The following PHIP variants were observed in gnomAD, a reference collection of about 807,000 sequenced individuals.
PHIP encodes PH-interacting protein.
PHIP carries 54 observed loss-of-function variants against 236.8 expected under a neutral mutation model. The observed-to-expected ratio is 0.23, with a 90% CI of 0.18 to 0.29. The LOEUF (loss-of-function observed/expected upper bound fraction) is 0.29. Among genes scored for constraint, PHIP ranks in the 10% least tolerant of loss-of-function variants. The pLI is 1.00. For missense variants in PHIP, 1,370 were observed against 2,190.8 expected, an observed-to-expected ratio of 0.63 and a Z score of 7.48; for synonymous variants, 756 against 718.9, an observed-to-expected ratio of 1.05 and a Z score of -0.83.
intron 15 of PHIP, chr6:79,004,252 T>C (rs1052790775): frequency 3.1e-5 from 8 of 260,694 alleles, no homozygotes; most frequent in Admixed American, 2.0e-4. Flanking sequence ...TTGGAAGTAG[T>C]AGCCAGAGAT....
chr6:78,951,086 T>A (rs1479355295), intron 35 of PHIP, among the ~76,000 whole-genome samples: 1 of 152,166 alleles, frequency 6.6e-6, no homozygotes, highest in Non-Finnish European at 1.5e-5. Flanking sequence ...CCCATGAGAT[T>A]TGTTTGATCC....
intron 9 of PHIP, among the ~76,000 whole-genome samples, chr6:79,024,479 T>C (rs986552426): frequency 2.0e-5 from 3 of 152,120 alleles, no homozygotes; most frequent in African/African-American, 2.4e-5. Flanking sequence ...GCAAATACAC[T>C]ATTTCCTCTC....
intron 27 of PHIP, among the ~76,000 whole-genome samples, chr6:78,968,438 TATTAGTGGG>T (rs746755093): frequency 1.3e-5 from 2 of 152,080 alleles, no homozygotes; most frequent in Non-Finnish European, 2.9e-5. Context: ...GAAAATACAG[TATTAGTGGG>T]ATGTGAAATC....
At chr6:78,975,953 G>C (rs1229817437) in intron 24 of PHIP, among the ~76,000 whole-genome samples, 1 of 151,180 alleles carries the variant, frequency 6.6e-6, no homozygotes, top group African/African-American at 2.4e-5. Flanking sequence ...TACTGCCCAA[G>C]GTAATTTACA....
chr6:78,982,819 A>T, intron 23 of PHIP, 67 bp downstream of exon 23: 1 of 893,608 alleles, frequency 1.1e-6, no homozygotes, highest in Non-Finnish European at 1.7e-6. Context: ...GATCAATTGT[A>T]CTTCAAGATG....
At chr6:79,032,566 T>C (rs1041349179) in intron 7 of PHIP, among the ~76,000 whole-genome samples, 7 of 152,100 alleles carry the variant, frequency 4.6e-5, no homozygotes, top group African/African-American at 7.2e-5. Flanking sequence ...CCTCCCCCAT[T>C]TAAGTTTAAT....
Position 79,025,991 on chromosome 6 carries a change from T to A in PHIP, c.774A>T (p.Ala258=), listed in dbSNP as rs1299604578. 7 of 1,613,900 alleles carry A rather than the reference T, an allele frequency of 4.3e-6. No individual in the cohort carries two copies. Among genetic ancestry groups the A allele is most frequent in the Non-Finnish European group, 5.9e-6 (7 of 1,179,962 alleles). ...TATGGCCCTGAAGAACAGCCAAAGG[T>A]GCACAGGTTCGAAGACACCAGACTC... The part of the protein sequence containing the change: ...MIRVWCLRTC[A]PLAVLQGHSA... The change falls in exon 8 of 40, where the codon GCA becomes GCT. Residue 258 remains alanine, a synonymous_variant. Transcript: ENST00000275034.
chr6:79,028,694 C>T (rs1771520829), intron 7 of PHIP, among the ~76,000 whole-genome samples: 1 of 152,162 alleles, frequency 6.6e-6, no homozygotes, highest in African/African-American at 2.4e-5. Context: ...TTGGTTCTCA[C>T]CTGCATTCAG....
At chr6:79,015,546 TA>T in intron 14 of PHIP, 83 bp downstream of exon 14, 2 of 1,057,814 alleles carry the variant, frequency 1.9e-6, no homozygotes. Context: ...TTAGCTAACA[TA>T]AAAGACTTTA....
At chr6:79,051,729 T>C (rs1772803678) in intron 6 of PHIP, among the ~76,000 whole-genome samples, 1 of 151,926 alleles carries the variant, frequency 6.6e-6, no homozygotes, top group Non-Finnish European at 1.5e-5. Context: ...ATAAAAAGGG[T>C]AGATATGATA....
rs939238227 is a variant in PHIP, at chr6:78,978,771, C to G, written c.2770-60G>C. Reference sequence around the variant, plus strand: ...ATCAAAAAAGCATTAATCCACAAATCTACTCTTTAAAATAACTATAAAGAT... The same window carrying G: ...ATCAAAAAAGCATTAATCCACAAATGTACTCTTTAAAATAACTATAAAGAT... On this transcript the variant is annotated intron_variant, in intron 23 of 39. Coordinates refer to ENST00000275034, the MANE Select transcript of PHIP (RefSeq NM_017934.7). 14 of 1,342,188 alleles carry G rather than the reference C, an allele frequency of 1.0e-5. No homozygotes were observed. The East Asian group carries it at 3.1e-4, about 30-fold the overall frequency. 83.1% of individuals were successfully genotyped at this position (1,342,188 alleles called of 1,614,324 possible).
At chr6:78,977,414 T>C (rs1046617887) in intron 24 of PHIP, among the ~76,000 whole-genome samples, 1 of 152,094 alleles carries the variant, frequency 6.6e-6, no homozygotes, top group Non-Finnish European at 1.5e-5. Context: ...TTGGGAGATA[T>C]ACCTAATGCT....
intron 9 of PHIP, among the ~76,000 whole-genome samples, chr6:79,019,926 T>A (rs1736584962): frequency 6.6e-6 from 1 of 152,162 alleles, no homozygotes; most frequent in South Asian, 2.1e-4. Context: ...TAACAATGTG[T>A]ATGTAATGTT....
chr6:79,033,773 T>G (rs1052594625), intron 7 of PHIP, among the ~76,000 whole-genome samples: 8 of 152,228 alleles, frequency 5.3e-5, no homozygotes, highest in Non-Finnish European at 1.2e-4. Context: ...ACTTTTGCTT[T>G]ACATTCACAA....
In PHIP at chr6:79,065,979, A is replaced by T. The variant is rs186235690; in HGVS notation, c.190-5161T>A. On this transcript the variant is annotated intron_variant, in intron 4 of 39. Transcript: ENST00000275034. ...AGTAAGAACCCCATATCTTTAATAT[A>T]AACTTAAGCTTTTAATTTAAATTAG... 2.4e-3 allele frequency among the ~76,000 whole-genome samples: 359 copies of T among 152,182 alleles called. 1 individual carries two copies. Among genetic ancestry groups the T allele is most frequent in the African/African-American group, 8.3e-3 (344 of 41,544 alleles).
intron 9 of PHIP, among the ~76,000 whole-genome samples, chr6:79,025,193 T>C (rs1771334668): frequency 6.6e-6 from 1 of 152,154 alleles, no homozygotes; most frequent in Non-Finnish European, 1.5e-5. Flanking sequence ...TTAGAAATTC[T>C]TAAGATTAAG....
chr6:78,958,578 C>A lies in PHIP; in HGVS notation c.3679G>T (p.Glu1227Ter). ...GTATTATGCTCTATATATCGAACTT[C>A]CCACATTAGGGAAGAAACCCGCCTT... is the stretch of plus-strand genomic sequence containing the variant. ...FYRRVSSLMW[E>*]VRYIEHNTRT... The change falls in exon 32 of 40, where the codon GAA (glutamate) becomes TAA (stop). Residue 1227 changes from glutamate to a stop codon, truncating the protein, a stop_gained. Coordinates refer to ENST00000275034, the MANE Select transcript of PHIP (RefSeq NM_017934.7). LOFTEE classifies it high-confidence loss of function. 6.3e-7 allele frequency: 1 copy of A among 1,577,728 alleles called. No homozygotes were observed. Among genetic ancestry groups the A allele is most frequent in the Non-Finnish European group, 8.7e-7 (1 of 1,150,764 alleles).
chr6:78,963,013 A>C, intron 30 of PHIP, 84 bp downstream of exon 30: 1 of 1,336,048 alleles, frequency 7.5e-7, no homozygotes, highest in Middle Eastern at 1.9e-4. Flanking sequence ...TTGTGAAAAA[A>C]AATTTTTGTT....
At chr6:78,989,874 T>G (rs1178100729) in intron 20 of PHIP, among the ~76,000 whole-genome samples, 2 of 151,972 alleles carry the variant, frequency 1.3e-5, no homozygotes, top group African/African-American at 4.8e-5. Flanking sequence ...AACCAATCAA[T>G]CAAGCAAAAA....
Sources: gnomAD v4.1 joint callset for allele counts (sites outside exome capture counted in the v4.1 genomes callset) on GRCh38, gnomAD v4.1.1 for gene constraint, MANE v1.5 for transcripts, NCBI Gene and HGNC (gene_info 2026-07-23, HGNC 2026-07-21) for gene names.